The following TMTC2 variants were observed in gnomAD, a reference collection of about 807,000 sequenced individuals.
The protein encoded by TMTC2 is transmembrane O-mannosyltransferase targeting cadherins 2, also known as protein O-mannosyl-transferase TMTC2.
A neutral mutation model predicts 82.4 loss-of-function variants in TMTC2; 43 were observed. That is an observed-to-expected ratio of 0.52 (90% CI 0.41 to 0.67). TMTC2 has a LOEUF of 0.67. Among genes scored for constraint, TMTC2 ranks in the 30% least tolerant of loss-of-function variants. TMTC2 has a pLI of 0.00. For synonymous variants in TMTC2, 408 were observed against 381.9 expected (o/e 1.07, Z -0.80); for missense variants, 919 against 1,012.4 (o/e 0.91, Z 1.25).
chr12:82,937,927 T>A (rs575726497), intron 4 of TMTC2, among the ~76,000 whole-genome samples: 99 of 89,214 alleles, frequency 1.1e-3, no homozygotes, highest in African/African-American at 2.6e-3. Flanking sequence ...TTTTTATTTT[T>A]TTTTTTTGAG....
chr12:82,730,395 G>T (rs1280693671), intron 1 of TMTC2, among the ~76,000 whole-genome samples: 1 of 151,294 alleles, frequency 6.6e-6, no homozygotes, highest in Non-Finnish European at 1.5e-5. Flanking sequence ...TCTGCTATTG[G>T]AATAATAATA....
chr12:82,794,367 A>G (rs1477423731), intron 1 of TMTC2, among the ~76,000 whole-genome samples: 1 of 152,120 alleles, frequency 6.6e-6, no homozygotes, highest in Non-Finnish European at 1.5e-5. Flanking sequence ...ACACAGAAAA[A>G]AAGGGCCTGT....
At chr12:82,888,027 C>T (rs1873190383) in intron 2 of TMTC2, among the ~76,000 whole-genome samples, 1 of 151,806 alleles carries the variant, frequency 6.6e-6, no homozygotes, top group African/African-American at 2.4e-5. Context: ...TGCAGTGAGC[C>T]GAAATCGCGC....
At chr12:83,100,420 T>G (rs1884180053) in intron 11 of TMTC2, among the ~76,000 whole-genome samples, 1 of 152,168 alleles carries the variant, frequency 6.6e-6, no homozygotes, top group Admixed American at 6.5e-5. Flanking sequence ...TCTTTTTAAT[T>G]TAGAAAAGTG....
intron 3 of TMTC2, among the ~76,000 whole-genome samples, chr12:82,899,779 A>G (rs1873888144): frequency 6.8e-6 from 1 of 146,182 alleles, no homozygotes; most frequent in Non-Finnish European, 1.5e-5. Context: ...GAATATATAT[A>G]TAAGAATACA....
chr12:82,860,215 G>A (rs1489836661), intron 2 of TMTC2, among the ~76,000 whole-genome samples: 4 of 152,012 alleles, frequency 2.6e-5, no homozygotes, highest in Non-Finnish European at 4.4e-5. Flanking sequence ...CTTGTGATCC[G>A]CCCGCCTCAG....
chr12:82,730,798 A>G (rs780850284), intron 1 of TMTC2, among the ~76,000 whole-genome samples: 18 of 152,240 alleles, frequency 1.2e-4, no homozygotes, highest in African/African-American at 3.1e-4. Context: ...TCGAATTCCA[A>G]TGGACACACT....
intron 1 of TMTC2, among the ~76,000 whole-genome samples, chr12:82,767,426 TA>T (rs1877033183): frequency 6.6e-6 from 1 of 151,906 alleles, no homozygotes; most frequent in African/African-American, 2.4e-5. Flanking sequence ...TTTACAAAAA[TA>T]AAAAATAAAA....
intron 1 of TMTC2, among the ~76,000 whole-genome samples, chr12:82,832,477 T>A (rs1447597149): frequency 6.6e-6 from 1 of 152,192 alleles, no homozygotes; most frequent in African/African-American, 2.4e-5. Context: ...CAAGTAATTA[T>A]ATTGTAAATC....
chr12:82,945,866 C>T (rs1876964679), intron 4 of TMTC2, among the ~76,000 whole-genome samples: 1 of 152,076 alleles, frequency 6.6e-6, no homozygotes, highest in South Asian at 2.1e-4. Flanking sequence ...GGAAAAGTTA[C>T]TTAAAGTGTA....
chr12:82,838,171 G>A (rs1326257432), intron 1 of TMTC2, among the ~76,000 whole-genome samples: 1 of 152,156 alleles, frequency 6.6e-6, no homozygotes, highest in African/African-American at 2.4e-5. Flanking sequence ...CACAAGATAA[G>A]GCAGGCTGGT....
At chr12:82,906,916 G>A (rs894649542) in intron 3 of TMTC2, among the ~76,000 whole-genome samples, 3 of 152,000 alleles carry the variant, frequency 2.0e-5, no homozygotes, top group African/African-American at 7.3e-5. Context: ...GTTTCCATAA[G>A]GAAATTATGT....
At position 82,779,690 on chromosome 12, in the gene TMTC2, G is replaced by A. The variant is rs1877794152; in HGVS notation, c.84-77320G>A. ...GAGACAGGTGGATCACCTGAGGTCA[G>A]GAGTTCAAGACCAGTCTAACCAATA... On this transcript the variant is annotated intron_variant, in intron 1 of 11. Coordinates refer to ENST00000321196, the MANE Select transcript of TMTC2 (RefSeq NM_152588.3). 2.0e-5 allele frequency among the ~76,000 whole-genome samples: 3 copies of A among 152,162 alleles called. No homozygotes were observed. The South Asian group carries it at 6.2e-4, about 32-fold the overall frequency.
chr12:83,085,906 C>T (rs1488470740), intron 11 of TMTC2, among the ~76,000 whole-genome samples: 1 of 152,160 alleles, frequency 6.6e-6, no homozygotes, highest in Non-Finnish European at 1.5e-5. Context: ...TATCTCCTGT[C>T]ATGGACCTTG....
At position 83,025,525 on chromosome 12, in the gene TMTC2, A is replaced by G. The variant is rs7305585; in HGVS notation, c.2071-5273A>G. 2.4e-3 allele frequency among the ~76,000 whole-genome samples: 363 copies of G among 152,290 alleles called. 2 individuals are homozygous for G. Among genetic ancestry groups the G allele is most frequent in the African/African-American group, 8.3e-3 (347 of 41,574 alleles). On this transcript the variant is annotated intron_variant, in intron 8 of 11. Transcript: ENST00000321196. ...TGCGGGAATTCCGCACAAACCAATC[A>G]TCAAAGTTACCACAAACCAAGCCGT...
At chr12:82,834,329 A>T (rs79377992) in intron 1 of TMTC2, among the ~76,000 whole-genome samples, 3,465 of 152,318 alleles carry the variant, frequency 0.023, 149 homozygotes, top group African/African-American at 0.08. Flanking sequence ...GTTGAATCTT[A>T]AGAGTTAAGT....
chr12:82,727,679 C>T (rs1874530690), intron 1 of TMTC2, among the ~76,000 whole-genome samples: 1 of 151,352 alleles, frequency 6.6e-6, no homozygotes, highest in South Asian at 2.1e-4. Flanking sequence ...TGAGATTGTG[C>T]CATTGCACTC....
intron 8 of TMTC2, among the ~76,000 whole-genome samples, chr12:83,022,756 C>T (rs1880993057): frequency 6.6e-6 from 1 of 151,876 alleles, no homozygotes; most frequent in Admixed American, 6.6e-5. Flanking sequence ...CCTTTGAAAT[C>T]CCTACAGTAA....
At chr12:82,721,451 C>A (rs996128881) in intron 1 of TMTC2, among the ~76,000 whole-genome samples, 1 of 151,772 alleles carries the variant, frequency 6.6e-6, no homozygotes, top group Non-Finnish European at 1.5e-5. Context: ...TATGGTTTAG[C>A]CACTTGAACT....
Sources: allele counts gnomAD v4.1 joint callset (sites outside exome capture counted in the v4.1 genomes callset), GRCh38; gene constraint gnomAD v4.1.1; transcripts MANE v1.5; gene names NCBI Gene and HGNC (gene_info 2026-07-23, HGNC 2026-07-21).